The following NOL4L variants were observed in gnomAD, a reference collection of about 807,000 sequenced individuals.
The protein encoded by NOL4L is nucleolar protein 4-like.
NOL4L carries 7 observed loss-of-function variants against 64.5 expected under a neutral mutation model. The observed-to-expected ratio is 0.11, with a 90% CI of 0.06 to 0.20. The LOEUF is 0.20. NOL4L is among the 10% of genes least tolerant of loss of function. NOL4L has a pLI of 1.00. For missense variants in NOL4L, 680 were observed against 967.1 expected (o/e 0.70, Z 3.94); for synonymous variants, 413 against 401.0 (o/e 1.03, Z -0.36).
chr20:32,467,536 C>G (rs2145465501), intron 5 of NOL4L, among the ~76,000 whole-genome samples: 1 of 152,246 alleles, frequency 6.6e-6, no homozygotes, highest in East Asian at 1.9e-4. Context: ...CCACAGGCCT[C>G]CATGGCAGAG....
At chr20:32,551,882 G>C (rs1010683681) in intron 1 of NOL4L, among the ~76,000 whole-genome samples, 1 of 152,086 alleles carries the variant, frequency 6.6e-6, no homozygotes, top group Non-Finnish European at 1.5e-5. Flanking sequence ...TTGAACTCCT[G>C]GGCTCAAGTG....
chr20:32,505,828 C>T (rs897853941), intron 4 of NOL4L, among the ~76,000 whole-genome samples: 6 of 152,092 alleles, frequency 3.9e-5, no homozygotes, highest in Admixed American at 6.6e-5. Context: ...ACATGAGGTG[C>T]CTAAAAGAGC....
chr20:32,574,954 T>C (rs1002810198), intron 1 of NOL4L, among the ~76,000 whole-genome samples: 3 of 152,076 alleles, frequency 2.0e-5, no homozygotes, highest in Non-Finnish European at 1.5e-5. Flanking sequence ...TGCGACCCTC[T>C]AGCCTCCCTC....
intron 5 of NOL4L, among the ~76,000 whole-genome samples, chr20:32,467,019 C>T (rs886723881): frequency 6.6e-6 from 1 of 152,142 alleles, no homozygotes; most frequent in Non-Finnish European, 1.5e-5. Flanking sequence ...AGAGCCGCGG[C>T]ACAGGGGTAA....
At chr20:32,500,725 G>A (rs2016890600) in intron 4 of NOL4L, among the ~76,000 whole-genome samples, 1 of 151,846 alleles carries the variant, frequency 6.6e-6, no homozygotes, top group Non-Finnish European at 1.5e-5. Context: ...GTGCCAGAAA[G>A]CAAAGAAGCA....
At chr20:32,583,503 C>T (rs1980638423) in intron 1 of NOL4L, among the ~76,000 whole-genome samples, 1 of 144,712 alleles carries the variant, frequency 6.9e-6, no homozygotes, top group Admixed American at 6.8e-5. Flanking sequence ...CGCGGGGCGG[C>T]CCGGCTCTCG....
intron 1 of NOL4L, among the ~76,000 whole-genome samples, chr20:32,555,300 G>A (rs1978579197): frequency 6.6e-6 from 1 of 152,016 alleles, no homozygotes; most frequent in Non-Finnish European, 1.5e-5. Context: ...TTGTGGATAG[G>A]ACCTTTTTAA....
At chr20:32,489,337 G>A (rs2016360601) in intron 4 of NOL4L, among the ~76,000 whole-genome samples, 1 of 151,850 alleles carries the variant, frequency 6.6e-6, no homozygotes, top group Admixed American at 6.6e-5. Context: ...TCTAAGTGGT[G>A]TCAATACCAT....
intron 1 of NOL4L, among the ~76,000 whole-genome samples, chr20:32,532,672 T>C (rs760871692): frequency 6.6e-6 from 1 of 152,210 alleles, no homozygotes; most frequent in African/African-American, 2.4e-5. Flanking sequence ...ATCTAATCCA[T>C]TGCCCTAAGC....
chr20:32,506,971 C>T (rs539661680), intron 4 of NOL4L, among the ~76,000 whole-genome samples: 11 of 152,242 alleles, frequency 7.2e-5, no homozygotes, highest in East Asian at 1.9e-4. Context: ...AAACCATTAG[C>T]GGGACATTAG....
intron 1 of NOL4L, among the ~76,000 whole-genome samples, chr20:32,576,728 A>G (rs4911244): frequency 0.53 from 80,592 of 152,114 alleles, 25,654 homozygotes; most frequent in East Asian, 0.94. Context: ...CCCGTCTGCT[A>G]GCCCAGCAGC....
intron 4 of NOL4L, chr20:32,509,816 G>C (rs1355402076): frequency 7.7e-7 from 1 of 1,304,096 alleles, no homozygotes; most frequent in Admixed American, 2.3e-5. Flanking sequence ...CATTCTGTAT[G>C]AAACAAAACC....
intron 1 of NOL4L, among the ~76,000 whole-genome samples, chr20:32,580,660 A>T (rs971144157): frequency 2.0e-5 from 3 of 152,210 alleles, no homozygotes; most frequent in African/African-American, 7.2e-5. Context: ...GGCATGTGGC[A>T]GGTCCACGGA....
At chr20:32,532,724 T>C (rs1473899905) in intron 1 of NOL4L, among the ~76,000 whole-genome samples, 2 of 152,278 alleles carry the variant, frequency 1.3e-5, no homozygotes, top group Non-Finnish European at 1.5e-5. Flanking sequence ...ACTTTATCTA[T>C]AGGCTGGATC....
At position 32,444,632 on chromosome 20, in the gene NOL4L, C is replaced by T. The variant is rs1431947090; in HGVS notation, c.*2964G>A. The T allele has an allele frequency of 6.6e-6, 1 of 152,244 alleles. No homozygotes were observed. Among genetic ancestry groups the T allele is most frequent in the Non-Finnish European group, 1.5e-5 (1 of 68,060 alleles). The allele number at this position is 152,244 out of a possible 1,614,324, so 9.4% of individuals were successfully genotyped here. ...ACTATCACTTGTCTACCTGATGATC[C>T]ACCACTAAGACCAATGCCCACTTCT... On this transcript the variant is annotated 3_prime_UTR_variant, in exon 11 of 11. Transcript: ENST00000621426.
intron 4 of NOL4L, among the ~76,000 whole-genome samples, chr20:32,494,899 C>T (rs766464034): frequency 2.0e-5 from 3 of 150,956 alleles, no homozygotes; most frequent in Middle Eastern, 3.4e-3. Flanking sequence ...CTATAGTCAA[C>T]TGGGTTTGGG....
chr20:32,490,201 T>A (rs1036744068), intron 4 of NOL4L, among the ~76,000 whole-genome samples: 1 of 151,722 alleles, frequency 6.6e-6, no homozygotes, highest in Admixed American at 6.6e-5. Flanking sequence ...TATGTTTTCC[T>A]ACTAGGTAGG....
At chr20:32,576,774 G>C (rs1472473108) in intron 1 of NOL4L, among the ~76,000 whole-genome samples, 1 of 152,244 alleles carries the variant, frequency 6.6e-6, no homozygotes, top group East Asian at 1.9e-4. Flanking sequence ...AGTTGAAATC[G>C]GAGGGGAAGA....
At position 32,452,432 on chromosome 20, in the gene NOL4L, C is replaced by T; in HGVS notation, c.1626G>A (p.Glu542=). 1 of 1,595,166 alleles carries T rather than the reference C, an allele frequency of 6.3e-7. No homozygotes were observed. The highest frequency in any genetic ancestry group is 1.1e-5 in the South Asian group (1 of 88,016). The change falls in exon 10 of 11, where the codon GAG becomes GAA. Residue 542 remains glutamate, a synonymous_variant. Transcript: ENST00000621426. Reference sequence around the variant, plus strand: ...AGTGCTGCTTGTCCAGGGCTATGGGCTCATCCTGCAGAGGGGAGAGGGGGG... The same window carrying T: ...AGTGCTGCTTGTCCAGGGCTATGGGTTCATCCTGCAGAGGGGAGAGGGGGG... ...RLEIYQSSQD[E]PIALDKQHSR... is the part of the protein sequence containing the mutation.
Sources: gnomAD v4.1 joint callset for allele counts (sites outside exome capture counted in the v4.1 genomes callset) on GRCh38, gnomAD v4.1.1 for gene constraint, MANE v1.5 for transcripts, NCBI Gene and HGNC (gene_info 2026-07-23, HGNC 2026-07-21) for gene names.